The following GMDS variants were observed in gnomAD, a reference collection of about 807,000 sequenced individuals.
The protein encoded by GMDS is GDP-mannose 4,6 dehydratase.
In GMDS, 20 loss-of-function variants were observed where a neutral mutation model predicts 49.9. The observed-to-expected ratio is 0.40, with a 90% CI of 0.28 to 0.58. The LOEUF (loss-of-function observed/expected upper bound fraction) is 0.58, where lower values mean the gene tolerates loss of function less well. Among genes scored for constraint, GMDS ranks in the 20% least tolerant of loss-of-function variants. The pLI, the probability that GMDS is intolerant of heterozygous loss-of-function variation, is 0.42. For synonymous variants in GMDS, 177 were observed against 178.6 expected, an observed-to-expected ratio of 0.99 and a Z score of 0.07; for missense variants, 362 against 481.4, an observed-to-expected ratio of 0.75 and a Z score of 2.32.
intron 4 of GMDS, among the ~76,000 whole-genome samples, chr6:2,031,472 C>T (rs555998921): frequency 6.6e-6 from 1 of 151,146 alleles, no homozygotes; most frequent in East Asian, 1.9e-4. Context: ...AATGTATAGA[C>T]CAGTGTAAGT....
At chr6:1,831,324 T>A (rs567687915) in intron 7 of GMDS, among the ~76,000 whole-genome samples, 1 of 152,372 alleles carries the variant, frequency 6.6e-6, no homozygotes, top group South Asian at 2.1e-4. Context: ...GATCTGCCAC[T>A]TACCAATGTG....
At chr6:1,818,986 C>T (rs1210427542) in intron 7 of GMDS, among the ~76,000 whole-genome samples, 1 of 152,034 alleles carries the variant, frequency 6.6e-6, no homozygotes, top group Non-Finnish European at 1.5e-5. Context: ...AGCCGCATGA[C>T]TAGATAGAAG....
At chr6:1,826,621 C>T (rs531676793) in intron 7 of GMDS, among the ~76,000 whole-genome samples, 2 of 152,326 alleles carry the variant, frequency 1.3e-5, no homozygotes, top group African/African-American at 4.8e-5. Flanking sequence ...ACTTTAATTA[C>T]ACATAATACC....
At chr6:1,964,394 A>G (rs1319492171) in intron 4 of GMDS, among the ~76,000 whole-genome samples, 3 of 152,244 alleles carry the variant, frequency 2.0e-5, no homozygotes, top group Non-Finnish European at 4.4e-5. Context: ...TACCAGACAC[A>G]TGCATATCAT....
intron 1 of GMDS, among the ~76,000 whole-genome samples, chr6:2,198,418 C>A (rs1779366988): frequency 1.3e-5 from 2 of 152,092 alleles, no homozygotes; most frequent in African/African-American, 2.4e-5. Context: ...TCCCATAAAC[C>A]AATGTACCTT....
chr6:2,055,572 C>G (rs1770730684), intron 4 of GMDS, among the ~76,000 whole-genome samples: 1 of 152,076 alleles, frequency 6.6e-6, no homozygotes, highest in South Asian at 2.1e-4. Context: ...TCTTTCTTAA[C>G]CAATTTTTCC....
At chr6:1,927,767 C>G (rs768603276) in intron 7 of GMDS, among the ~76,000 whole-genome samples, 1 of 152,216 alleles carries the variant, frequency 6.6e-6, no homozygotes, top group Non-Finnish European at 1.5e-5. Flanking sequence ...TTCCTCCTTA[C>G]TTACTTAACA....
chr6:2,111,222 CA>C (rs1258970336), intron 4 of GMDS, among the ~76,000 whole-genome samples: 3 of 152,094 alleles, frequency 2.0e-5, no homozygotes, highest in Non-Finnish European at 4.4e-5. Context: ...ACAACCACAA[CA>C]AAAAAAGCAG....
chr6:2,172,980 T>G (rs1778094270), intron 1 of GMDS, among the ~76,000 whole-genome samples: 1 of 152,152 alleles, frequency 6.6e-6, no homozygotes, highest in Non-Finnish European at 1.5e-5. Context: ...TTTGAAAATT[T>G]CAAAAAGTTC....
chr6:1,636,801 C>T (rs558217499), intron 9 of GMDS, among the ~76,000 whole-genome samples: 12 of 152,386 alleles, frequency 7.9e-5, no homozygotes, highest in African/African-American at 2.9e-4. Flanking sequence ...CATGCCTCAC[C>T]TGCCCAAGGT....
intron 9 of GMDS, among the ~76,000 whole-genome samples, chr6:1,662,689 C>G (rs1581427758): frequency 1.3e-5 from 2 of 152,162 alleles, no homozygotes; most frequent in South Asian, 4.2e-4. Flanking sequence ...GTCCTGAGAG[C>G]CAAGGGAAAT....
intron 4 of GMDS, among the ~76,000 whole-genome samples, chr6:1,975,248 T>G (rs1309284676): frequency 6.6e-6 from 1 of 152,208 alleles, no homozygotes; most frequent in African/African-American, 2.4e-5. Flanking sequence ...CAAAATTCTT[T>G]AAGGGATAAA....
chr6:1,723,703 T>TA (rs1407493524), intron 9 of GMDS, among the ~76,000 whole-genome samples: 5 of 152,050 alleles, frequency 3.3e-5, no homozygotes, highest in African/African-American at 1.2e-4. Flanking sequence ...CCTAAGCTGA[T>TA]CGGTGAAAGC....
chr6:1,625,904 G>T (rs981013869), intron 9 of GMDS, among the ~76,000 whole-genome samples: 2 of 152,198 alleles, frequency 1.3e-5, no homozygotes, highest in Non-Finnish European at 2.9e-5. Flanking sequence ...AGAAATACTC[G>T]ATCATTCTAT....
chr6:1,657,984 G>T (rs9502993), intron 9 of GMDS, among the ~76,000 whole-genome samples: 1 of 152,124 alleles, frequency 6.6e-6, no homozygotes, highest in Non-Finnish European at 1.5e-5. Context: ...CCTGCCTTGC[G>T]TAGCGCCGGG....
At position 1,995,591 on chromosome 6, in the gene GMDS, G is replaced by A. The variant is rs528347977; in HGVS notation, c.346-34625C>T. Among the ~76,000 whole-genome samples the A allele has an allele frequency of 1.4e-4, 21 of 152,308 alleles. No individual in the cohort carries two copies. The South Asian group carries it at 4.1e-3, about 30-fold the overall frequency. ...TTACTAGAGATCCTGCACTTAGGGA[G>A]ATAAACACATGAAGCATTTAATCTT... On this transcript the variant is annotated intron_variant, in intron 4 of 10. Coordinates refer to ENST00000380815, the MANE Select transcript of GMDS (RefSeq NM_001500.4).
intron 4 of GMDS, among the ~76,000 whole-genome samples, chr6:1,972,975 G>A (rs1240111331): frequency 6.6e-6 from 1 of 152,186 alleles, no homozygotes; most frequent in East Asian, 1.9e-4. Context: ...AGGAGTCCAT[G>A]GCGTAAGAAA....
chr6:2,135,385 G>A (rs1188289605), intron 1 of GMDS, among the ~76,000 whole-genome samples: 1 of 152,004 alleles, frequency 6.6e-6, no homozygotes, highest in African/African-American at 2.4e-5. Context: ...TCATTTAAAG[G>A]GATACCTTTA....
intron 4 of GMDS, among the ~76,000 whole-genome samples, chr6:2,085,914 T>C (rs1248548895): frequency 1.3e-5 from 2 of 152,224 alleles, no homozygotes; most frequent in South Asian, 4.1e-4. Context: ...ATTCATTAAT[T>C]CTGTGGCCTT....
Sources: allele counts gnomAD v4.1 joint callset (sites outside exome capture counted in the v4.1 genomes callset), GRCh38; gene constraint gnomAD v4.1.1; transcripts MANE v1.5; gene names NCBI Gene and HGNC (gene_info 2026-07-23, HGNC 2026-07-21).